Variants in CYRIA observed in about 807,000 individuals in gnomAD.
CYRIA encodes CYFIP related Rac1 interactor A.
A neutral mutation model predicts 43.9 loss-of-function variants in CYRIA; 15 were observed. That is an observed-to-expected ratio of 0.34 (90% CI 0.23 to 0.53). The LOEUF (loss-of-function observed/expected upper bound fraction) is 0.53, where lower values mean the gene tolerates loss of function less well. CYRIA is among the 20% of genes least tolerant of loss of function. The pLI is 0.94. For missense variants in CYRIA, 236 were observed against 394.2 expected (o/e 0.60, Z 3.40); for synonymous variants, 117 against 136.0 (o/e 0.86, Z 0.97).
At chr2:16,611,102 G>A (rs1278923406) in intron 2 of CYRIA, among the ~76,000 whole-genome samples, 2 of 151,802 alleles carry the variant, frequency 1.3e-5, no homozygotes, top group East Asian at 3.9e-4. Context: ...GCTCACGCCT[G>A]TAATCCCAGC....
chr2:16,562,246 G>C (rs1404248934), intron 5 of CYRIA, 105 bp from the exon 6 acceptor site: 1 of 1,256,284 alleles, frequency 8.0e-7, no homozygotes, highest in African/African-American at 1.5e-5. Context: ...TCACCTGCTT[G>C]AGTCTCTCCC....
rs1350453393 is a variant in CYRIA, at chr2:16,549,500, T to C, written c.*3436A>G. 1 of 151,808 alleles carries C rather than the reference T, an allele frequency of 6.6e-6. No homozygotes were observed. The highest frequency in any genetic ancestry group is 1.5e-5 in the Non-Finnish European group (1 of 67,954). The allele number at this position is 151,808 out of a possible 1,614,324, so 9.4% of individuals were successfully genotyped here. A position where few individuals can be genotyped will look rare whatever the true frequency, so the allele number is the denominator to read the frequency against. ...CCAAACTTTAATTTTCATTTCACAC[T>C]CAAAACTCCTGTAGAAAAAAAGGCA... On this transcript the variant is annotated 3_prime_UTR_variant, in exon 12 of 12. Coordinates refer to ENST00000381323, the MANE Select transcript of CYRIA (RefSeq NM_030797.4).
rs1572446002 is a variant in CYRIA, at chr2:16,550,773, T to C, written c.*2163A>G. On this transcript the variant is annotated 3_prime_UTR_variant, in exon 12 of 12. Transcript: ENST00000381323. Reference sequence around the variant, plus strand: ...CATGAGCCCTGTGGTGGCTGGCAAGTCCTTTCCTTTCTTTAAGCCTTAATC... The same window carrying C: ...CATGAGCCCTGTGGTGGCTGGCAAGCCCTTTCCTTTCTTTAAGCCTTAATC... The C allele has an allele frequency of 6.6e-6, 1 of 152,130 alleles. No homozygotes were observed. Among genetic ancestry groups the C allele is most frequent in the South Asian group, 2.1e-4 (1 of 4,830 alleles). The allele number at this position is 152,130 out of a possible 1,614,324, so 9.4% of individuals were successfully genotyped here. A position where few individuals can be genotyped will look rare whatever the true frequency, so the allele number is the denominator to read the frequency against.
chr2:16,616,882 T>C lies in CYRIA; in HGVS notation c.-11+6982A>G, dbSNP rs116636667. Among the ~76,000 whole-genome samples, 546 of 152,336 alleles carry C rather than the reference T, an allele frequency of 3.6e-3. 2 individuals are homozygous for C. Among genetic ancestry groups the C allele is most frequent in the African/African-American group, 0.012 (517 of 41,584 alleles). ...TTTTAGAGATGAGGAAACTGTCCTA[T>C]GAAGAGGTTTGAAAACTTGCCCAAG... On this transcript the variant is annotated intron_variant, in intron 2 of 11. Coordinates refer to ENST00000381323, the MANE Select transcript of CYRIA (RefSeq NM_030797.4).
chr2:16,551,307 CT>C lies in CYRIA; in HGVS notation c.*1628del, dbSNP rs1666300831. ...GGGATGTTGCAAATAATGCCAAACT[CT>C]GATGTACTCAGACTCAACTTCTAGG... On this transcript the variant is annotated 3_prime_UTR_variant, in exon 12 of 12. Coordinates refer to ENST00000381323, the MANE Select transcript of CYRIA (RefSeq NM_030797.4). The C allele has an allele frequency of 6.6e-6, 1 of 152,150 alleles. No homozygotes were observed. 9.4% of individuals were successfully genotyped at this position (152,150 alleles called of 1,614,324 possible). A position where few individuals can be genotyped will look rare whatever the true frequency, so the allele number is the denominator to read the frequency against.
chr2:16,604,103 C>G (rs1156605220), intron 2 of CYRIA, among the ~76,000 whole-genome samples: 4 of 152,172 alleles, frequency 2.6e-5, no homozygotes, highest in African/African-American at 9.7e-5. Context: ...CACCTGCTAC[C>G]TCGCTTTGTT....
intron 3 of CYRIA, among the ~76,000 whole-genome samples, chr2:16,573,563 C>A (rs775962119): frequency 6.6e-6 from 1 of 152,194 alleles, no homozygotes; most frequent in Non-Finnish European, 1.5e-5. Flanking sequence ...TGTGTCCCCA[C>A]CCAAATCTCA....
intron 1 of CYRIA, among the ~76,000 whole-genome samples, chr2:16,651,377 C>T (rs1252938110): frequency 2.0e-5 from 3 of 152,112 alleles, no homozygotes; most frequent in South Asian, 2.1e-4. Context: ...TGTAAAGCAC[C>T]GCACTGCAGT....
intron 1 of CYRIA, among the ~76,000 whole-genome samples, chr2:16,628,708 TACAATCCACACTCCC>T (rs1482344648): frequency 6.6e-6 from 1 of 152,162 alleles, no homozygotes; most frequent in Non-Finnish European, 1.5e-5. Flanking sequence ...GTCACCCGAA[TACAATCCACACTCCC>T]ACAGGCTGGT....
At chr2:16,626,140 C>T (rs949939084) in intron 1 of CYRIA, among the ~76,000 whole-genome samples, 5 of 152,046 alleles carry the variant, frequency 3.3e-5, no homozygotes, top group African/African-American at 1.2e-4. Flanking sequence ...CAGAGATGAC[C>T]CTAATAATAA....
intron 1 of CYRIA, among the ~76,000 whole-genome samples, chr2:16,637,576 A>G (rs1254643122): frequency 1.3e-5 from 2 of 152,236 alleles, no homozygotes; most frequent in Non-Finnish European, 2.9e-5. Flanking sequence ...TAAGTACTCC[A>G]GTCTATGTAA....
chr2:16,607,642 G>A (rs1394545584), intron 2 of CYRIA, among the ~76,000 whole-genome samples: 1 of 152,088 alleles, frequency 6.6e-6, no homozygotes, highest in African/African-American at 2.4e-5. Flanking sequence ...AGGCTGGAGT[G>A]CAATGGCACT....
At position 16,551,545 on chromosome 2, in the gene CYRIA, C is replaced by T. The variant is rs1319932664; in HGVS notation, c.*1391G>A. 1.3e-5 allele frequency: 2 copies of T among 152,156 alleles called. No individual in the cohort carries two copies. The allele number at this position is 152,156 out of a possible 1,614,324, so 9.4% of individuals were successfully genotyped here. A position where few individuals can be genotyped will look rare whatever the true frequency, so the allele number is the denominator to read the frequency against. On this transcript the variant is annotated 3_prime_UTR_variant, in exon 12 of 12. Coordinates refer to ENST00000381323, the MANE Select transcript of CYRIA (RefSeq NM_030797.4). Reference sequence around the variant, plus strand: ...GAGCCATCCTGTATGACCACATCCTCTGGGTTTCATTTTTCCTTAGGAGGT... The same window carrying T: ...GAGCCATCCTGTATGACCACATCCTTTGGGTTTCATTTTTCCTTAGGAGGT...
At chr2:16,582,493 C>T (rs1288975252) in intron 3 of CYRIA, among the ~76,000 whole-genome samples, 2 of 152,104 alleles carry the variant, frequency 1.3e-5, no homozygotes, top group African/African-American at 4.8e-5. Context: ...GACGTTGTGC[C>T]CATTAGCAGC....
Position 16,564,658 on chromosome 2 carries a change from G to C in CYRIA, c.193-564C>G, listed in dbSNP as rs114005025. ...AGGATGGGAGCAGTGGCAGTACTGTGTGCATGTGTGCGTATGTGTGTGTGT... is the reference window on the plus strand; with the variant it reads ...AGGATGGGAGCAGTGGCAGTACTGTCTGCATGTGTGCGTATGTGTGTGTGT... On this transcript the variant is annotated intron_variant, in intron 4 of 11. Coordinates refer to ENST00000381323, the MANE Select transcript of CYRIA (RefSeq NM_030797.4). 9.2e-3 allele frequency among the ~76,000 whole-genome samples: 1,406 copies of C among 152,166 alleles called. 18 individuals carry two copies. The highest frequency in any genetic ancestry group is 0.032 in the African/African-American group (1,335 of 41,518).
Position 16,650,063 on chromosome 2 carries a change from A to T in CYRIA, c.-167+15717T>A, listed in dbSNP as rs576488552. On this transcript the variant is annotated intron_variant, in intron 1 of 11. Transcript: ENST00000381323. The surrounding 1 kb of genome is among the most constrained non-coding windows in gnomAD (Gnocchi z 4.1). ...ACACCCCCTCAGCCCAGGTTCCAGA[A>T]TGAGAAGAAATGTACACCAGTGCCA... Among the ~76,000 whole-genome samples, 25 of 152,290 alleles carry T rather than the reference A, an allele frequency of 1.6e-4. No homozygotes were observed. Among genetic ancestry groups the T allele is most frequent in the Admixed American group, 2.0e-4 (3 of 15,300 alleles).
At chr2:16,564,786 G>A (rs969879391) in intron 4 of CYRIA, among the ~76,000 whole-genome samples, 1 of 152,268 alleles carries the variant, frequency 6.6e-6, no homozygotes, top group Non-Finnish European at 1.5e-5. Context: ...AAGGTATTGC[G>A]AAGTTGCAAA....
chr2:16,561,581 G>A, intron 6 of CYRIA, 48 bp from the exon 7 acceptor site: 2 of 1,409,270 alleles, frequency 1.4e-6, no homozygotes, highest in South Asian at 2.3e-5. Context: ...GTATCAGATG[G>A]GGTATATGCA....
chr2:16,590,046 A>T (rs949047414), intron 2 of CYRIA, among the ~76,000 whole-genome samples: 1 of 150,718 alleles, frequency 6.6e-6, no homozygotes, highest in Non-Finnish European at 1.5e-5. Context: ...CTTGAGGTGT[A>T]GGAATATATT....
Sources: gnomAD v4.1 joint callset for allele counts (sites outside exome capture counted in the v4.1 genomes callset) on GRCh38, gnomAD v4.1.1 for gene constraint, Gnocchi (gnomAD v3.1) non-coding constraint, MANE v1.5 for transcripts, NCBI Gene and HGNC (gene_info 2026-07-23, HGNC 2026-07-21) for gene names.